The following ZNF787 variants were observed in gnomAD, a reference collection of about 807,000 sequenced individuals.
The protein encoded by ZNF787 is zinc finger protein 787, also known as TTF-I-interacting peptide 20.
ZNF787 carries 7 observed loss-of-function variants against 16.9 expected under a neutral mutation model. The ratio of observed to expected loss-of-function variants is 0.42; its 90% CI spans 0.24 to 0.78. The LOEUF is 0.78. Among genes scored for constraint, ZNF787 ranks in the 30% least tolerant of loss-of-function variants. The pLI is 0.30. For synonymous variants in ZNF787, 345 were observed against 270.9 expected, an observed-to-expected ratio of 1.27 and a Z score of -2.69; for missense variants, 551 against 589.3, an observed-to-expected ratio of 0.94 and a Z score of 0.67.
In ZNF787 at chr19:56,088,582, A is replaced by G; in HGVS notation, c.590T>C (p.Leu197Pro). Residue 197 changes from leucine to proline, a missense_variant, in exon 3 of 3, where the codon CTG (leucine) becomes CCG (proline). This residue lies in a region of ZNF787 where 392 missense variants were observed against 312.7 expected (regional missense o/e 1.25). Transcript: ENST00000610935. The surrounding 1 kb of genome is among the most constrained non-coding windows in gnomAD (Gnocchi z 8.6). ...CCCCGACAGCTCCGGGTGCAGCCGCAGGTGACGCGCGAGGCTCTTGGGCTG... is the reference window on the plus strand; with the variant it reads ...CCCCGACAGCTCCGGGTGCAGCCGCGGGTGACGCGCGAGGCTCTTGGGCTG... ...FSQPKSLARH[L>P]RLHPELSGPG... The G allele has an allele frequency of 6.6e-7, 1 of 1,508,754 alleles. No homozygotes were observed. Among genetic ancestry groups the G allele is most frequent in the Non-Finnish European group, 8.8e-7 (1 of 1,136,212 alleles). The allele number at this position is 1,508,754 out of a possible 1,614,324, so 93.5% of individuals were successfully genotyped here. A position where few individuals can be genotyped will look rare whatever the true frequency, so the allele number is the denominator to read the frequency against.
intron 1 of ZNF787, among the ~76,000 whole-genome samples, chr19:56,106,016 T>G (rs1599952356): frequency 1.1e-5 from 1 of 89,516 alleles, no homozygotes; most frequent in Non-Finnish European, 2.2e-5. Flanking sequence ...CACCGCGCAT[T>G]CCGCATTCCC....
At position 56,088,715 on chromosome 19, in the gene ZNF787, G is replaced by A. The variant is rs776380965; in HGVS notation, c.457C>T (p.Pro153Ser). The change falls in exon 3 of 3, where the codon CCC becomes TCC. Residue 153 changes from proline to serine, a missense_variant. Physicochemically the swap from Pro to Ser is moderately conservative, Grantham distance 74. Transcript: ENST00000610935. The surrounding 1 kb of genome is among the most constrained non-coding windows in gnomAD (Gnocchi z 8.6). ...IHTGEKPYTC[P>S]DCGRSFTQSK... ...TGAGTGAAGCTGCGGCCGCAGTCGG[G>A]GCAGGTGTAGGGCTTCTCGCCCGTG... 1 of 1,607,180 alleles carries A rather than the reference G, an allele frequency of 6.2e-7. No homozygotes were observed. Among genetic ancestry groups the A allele is most frequent in the South Asian group, 1.1e-5 (1 of 90,666 alleles).
chr19:56,111,787 CCT>C (rs1364703080), intron 1 of ZNF787, among the ~76,000 whole-genome samples: 1 of 152,136 alleles, frequency 6.6e-6, no homozygotes, highest in Non-Finnish European at 1.5e-5. Context: ...GCACTGTGCC[CCT>C]GTGAGCAACG....
chr19:56,091,226 G>A (rs143136683), intron 2 of ZNF787, among the ~76,000 whole-genome samples: 94 of 152,280 alleles, frequency 6.2e-4, no homozygotes, highest in African/African-American at 2.1e-3. Flanking sequence ...ACCGTAAACC[G>A]AGCCATACTA....
At chr19:56,098,405 A>G (rs1298132846) in intron 2 of ZNF787, among the ~76,000 whole-genome samples, 2 of 152,238 alleles carry the variant, frequency 1.3e-5, no homozygotes, top group African/African-American at 4.8e-5. Context: ...AGGCAACCCC[A>G]TGCTGCAGGG....
At chr19:56,102,808 G>A (rs951402269) in intron 2 of ZNF787, 20 of 671,220 alleles carry the variant, frequency 3.0e-5, no homozygotes, top group Admixed American at 1.3e-4. Flanking sequence ...ATGTGGAGGC[G>A]GGGCTGTGGG....
At chr19:56,094,365 G>C (rs1018988696) in intron 2 of ZNF787, among the ~76,000 whole-genome samples, 3 of 149,786 alleles carry the variant, frequency 2.0e-5, no homozygotes, top group Non-Finnish European at 4.4e-5. Flanking sequence ...GTAGAGACAG[G>C]GTTTCTCCAT....
chr19:56,087,579 G>T lies in ZNF787; in HGVS notation c.*444C>A, dbSNP rs1474368611. 7.0e-6 allele frequency: 1 copy of T among 142,068 alleles called. No homozygotes were observed. The highest frequency in any genetic ancestry group is 1.5e-5 in the Non-Finnish European group (1 of 64,656). The allele number at this position is 142,068 out of a possible 1,614,324, so 8.8% of individuals were successfully genotyped here. A position where few individuals can be genotyped will look rare whatever the true frequency, so the allele number is the denominator to read the frequency against. On this transcript the variant is annotated 3_prime_UTR_variant, in exon 3 of 3. Coordinates refer to ENST00000610935, the MANE Select transcript of ZNF787 (RefSeq NM_001002836.4). ...GAGTCAAAAGGTGGGCTGATTAAAA[G>T]AAAATTCTAAAAGAGAAAAGGGCCC...
intron 1 of ZNF787, among the ~76,000 whole-genome samples, chr19:56,119,815 G>C (rs2030234537): frequency 6.6e-6 from 1 of 152,264 alleles, no homozygotes; most frequent in South Asian, 2.1e-4. Flanking sequence ...ACTGCGCAGA[G>C]GCAGGCAGGT....
At chr19:56,105,319 G>A (rs908063936) in intron 1 of ZNF787, 1 of 152,012 alleles carries the variant, frequency 6.6e-6, no homozygotes, top group Non-Finnish European at 1.5e-5. Context: ...CACATGCTGG[G>A]GTTTCATAAA....
Position 56,088,570 on chromosome 19 carries a change from G to C in ZNF787, c.602C>G (p.Pro201Arg). The C allele has an allele frequency of 6.7e-7, 1 of 1,503,502 alleles. No homozygotes were observed. Among genetic ancestry groups the C allele is most frequent in the Non-Finnish European group, 8.8e-7 (1 of 1,134,056 alleles). The allele number at this position is 1,503,502 out of a possible 1,614,324, so 93.1% of individuals were successfully genotyped here. Reference sequence around the variant, plus strand: ...CGCCACGCCAGGCCCCGACAGCTCCGGGTGCAGCCGCAGGTGACGCGCGAG... The same window carrying C: ...CGCCACGCCAGGCCCCGACAGCTCCCGGTGCAGCCGCAGGTGACGCGCGAG... ...KSLARHLRLH[P>R]ELSGPGVAAK... Residue 201 changes from proline to arginine, a missense_variant, in exon 3 of 3, where the codon CCG becomes CGG. This residue lies in a region of ZNF787 where 392 missense variants were observed against 312.7 expected (regional missense o/e 1.25). Coordinates refer to ENST00000610935, the MANE Select transcript of ZNF787 (RefSeq NM_001002836.4). This position sits in a 1 kb window ranked among gnomAD's most constrained non-coding sequence, Gnocchi z 8.6.
rs981915340 is a variant in ZNF787, at chr19:56,088,495, G to C, written c.677C>G (p.Ala226Gly). 1 of 1,380,352 alleles carries C rather than the reference G, an allele frequency of 7.2e-7. No individual in the cohort carries two copies. Among genetic ancestry groups the C allele is most frequent in the Non-Finnish European group, 9.3e-7 (1 of 1,070,734 alleles). The allele number at this position is 1,380,352 out of a possible 1,614,324, so 85.5% of individuals were successfully genotyped here. ...GGCGATCTCGCCGTCCGCCGCCACC[G>C]CCTCTTCGGGCCCCTTGGCCCGCCG... ...SVRRAKGPEE[A>G]VAADGEIAIP... is the part of the protein sequence containing the mutation. The change falls in exon 3 of 3, where the codon GCG (alanine) becomes GGG (glycine). Residue 226 changes from alanine to glycine, a missense_variant. Physicochemically the swap from Ala to Gly is moderately conservative, Grantham distance 60. Coordinates refer to ENST00000610935, the MANE Select transcript of ZNF787 (RefSeq NM_001002836.4). The surrounding 1 kb of genome is among the most constrained non-coding windows in gnomAD (Gnocchi z 8.6).
At chr19:56,089,114 G>A in intron 2 of ZNF787, 22 bp from the exon 3 acceptor site, 1 of 1,441,006 alleles carries the variant, frequency 6.9e-7, no homozygotes, top group Non-Finnish European at 9.1e-7. Context: ...GAGGGTAGGG[G>A]GAGGTGAGTC....
chr19:56,093,916 C>A (rs1436347413), intron 2 of ZNF787, among the ~76,000 whole-genome samples: 3 of 152,240 alleles, frequency 2.0e-5, no homozygotes, highest in Non-Finnish European at 4.4e-5. Flanking sequence ...TTTTTACTAT[C>A]CGCTCTATTC....
intron 1 of ZNF787, chr19:56,105,436 T>C (rs949748958): frequency 6.6e-6 from 1 of 152,218 alleles, no homozygotes; most frequent in African/African-American, 2.4e-5. Flanking sequence ...AGTGCAGCGG[T>C]GTTTACAACT....
In ZNF787 at chr19:56,115,761, C is replaced by T. The variant is rs567739383; in HGVS notation, c.-11+5411G>A. On this transcript the variant is annotated intron_variant, in intron 1 of 2. Coordinates refer to ENST00000610935, the MANE Select transcript of ZNF787 (RefSeq NM_001002836.4). ...CCAGCCACCACACTCAACTACTTTC[C>T]GAGAGGGCGAGAGAGAGGGACTTCA... is the stretch of plus-strand genomic sequence containing the variant. Among the ~76,000 whole-genome samples, 102 of 152,256 alleles carry T rather than the reference C, an allele frequency of 6.7e-4. 1 individual carries two copies. In the South Asian group the frequency reaches 0.012, roughly 19 times the overall value.
chr19:56,117,080 A>G (rs911995296), intron 1 of ZNF787, among the ~76,000 whole-genome samples: 16 of 152,138 alleles, frequency 1.1e-4, no homozygotes, highest in African/African-American at 3.9e-4. Flanking sequence ...CAGCCACATG[A>G]CCTGGGCAAG....
At chr19:56,104,751 G>A (rs1281913024) in intron 1 of ZNF787, among the ~76,000 whole-genome samples, 1 of 152,244 alleles carries the variant, frequency 6.6e-6, no homozygotes, top group Non-Finnish European at 1.5e-5. Context: ...GCGGTGCCAC[G>A]CACACACACA....
Position 56,088,127 on chromosome 19 carries a change from T to C in ZNF787, c.1045A>G (p.Ser349Gly). 3 of 1,549,678 alleles carry C rather than the reference T, an allele frequency of 1.9e-6. No homozygotes were observed. Among genetic ancestry groups the C allele is most frequent in the African/African-American group, 1.4e-5 (1 of 70,134 alleles). The part of the protein sequence containing the change: ...HAVGAPSVCS[S>G]CGQSYYRAGG... ...GCGCGGTAGTAGCTCTGTCCGCAGC[T>C]GCTGCAGACCGAGGGCGCGCCCACC... is the stretch of plus-strand genomic sequence containing the variant. The change falls in exon 3 of 3, where the codon AGC becomes GGC. Residue 349 changes from serine to glycine, a missense_variant. Coordinates refer to ENST00000610935, the MANE Select transcript of ZNF787 (RefSeq NM_001002836.4). The surrounding 1 kb of genome is among the most constrained non-coding windows in gnomAD (Gnocchi z 8.6).
Sources: allele counts gnomAD v4.1 joint callset (sites outside exome capture counted in the v4.1 genomes callset), GRCh38; gene constraint gnomAD v4.1.1; regional missense constraint gnomAD v4.1.1; non-coding constraint Gnocchi (gnomAD v3.1); transcripts MANE v1.5; gene names NCBI Gene and HGNC (gene_info 2026-07-23, HGNC 2026-07-21).